The following ACTR5 variants were observed in gnomAD, a reference collection of about 807,000 sequenced individuals.
ACTR5 encodes actin-related protein 5.
In ACTR5, 43 loss-of-function variants were observed where a neutral mutation model predicts 61.2. The observed-to-expected ratio is 0.70, with a 90% CI of 0.55 to 0.91. The LOEUF (loss-of-function observed/expected upper bound fraction) is 0.91, where lower values mean the gene tolerates loss of function less well. Ranked by LOEUF, ACTR5 falls within the 40% of genes least tolerant of loss-of-function variation. The pLI, the probability that ACTR5 is intolerant of heterozygous loss-of-function variation, is 0.00. For missense variants in ACTR5, 798 were observed against 782.2 expected (o/e 1.02, Z -0.24); for synonymous variants, 333 against 310.5 (o/e 1.07, Z -0.76).
intron 7 of ACTR5, among the ~76,000 whole-genome samples, chr20:38,766,788 A>G (rs181962877): frequency 7.2e-5 from 11 of 152,320 alleles, no homozygotes; most frequent in South Asian, 4.1e-4. Flanking sequence ...TTCCATAAGA[A>G]TCCAGGTGTT....
intron 7 of ACTR5, among the ~76,000 whole-genome samples, chr20:38,767,193 A>G (rs770490729): frequency 4.7e-4 from 72 of 152,292 alleles, no homozygotes; most frequent in Non-Finnish European, 8.7e-4. Flanking sequence ...CCTCAAGTTT[A>G]TTTTTTAAAT....
intron 5 of ACTR5, among the ~76,000 whole-genome samples, chr20:38,762,327 C>T (rs149264253): frequency 6.6e-6 from 1 of 152,172 alleles, no homozygotes; most frequent in Non-Finnish European, 1.5e-5. Flanking sequence ...AAGAGAGCAG[C>T]TAGAGAGTGA....
At chr20:38,765,975 C>T (rs113730969) in intron 6 of ACTR5, among the ~76,000 whole-genome samples, 1 of 152,180 alleles carries the variant, frequency 6.6e-6, no homozygotes, top group East Asian at 1.9e-4. Flanking sequence ...CCTCTAGACT[C>T]GGCCTTTTAC....
At chr20:38,754,890 G>A in intron 3 of ACTR5, 67 bp from the exon 4 acceptor site, 1 of 1,541,202 alleles carries the variant, frequency 6.5e-7, no homozygotes, top group Non-Finnish European at 8.9e-7. Flanking sequence ...CGCCCAGCTG[G>A]TATTGACTTT....
At chr20:38,766,992 A>C (rs2084490652) in intron 7 of ACTR5, among the ~76,000 whole-genome samples, 1 of 152,180 alleles carries the variant, frequency 6.6e-6, no homozygotes. Flanking sequence ...CAGTGGTTGG[A>C]AAGTGATCAA....
At chr20:38,770,099 A>G (rs1268336028) in intron 8 of ACTR5, among the ~76,000 whole-genome samples, 1 of 152,082 alleles carries the variant, frequency 6.6e-6, no homozygotes, top group Non-Finnish European at 1.5e-5. Context: ...CACCTGGCCT[A>G]GCCTCAGCTC....
chr20:38,766,161 C>T (rs370954331), intron 6 of ACTR5, 77 bp from the exon 7 acceptor site: 88 of 1,508,490 alleles, frequency 5.8e-5, no homozygotes, highest in African/African-American at 8.4e-5. Flanking sequence ...GATTAAGAAA[C>T]GCAGTTTGAG....
In ACTR5 at chr20:38,752,180, G is replaced by C; in HGVS notation, c.655G>C (p.Ala219Pro). 1 of 1,614,038 alleles carries C rather than the reference G, an allele frequency of 6.2e-7. No individual in the cohort carries two copies. The highest frequency in any genetic ancestry group is 8.5e-7 in the Non-Finnish European group (1 of 1,179,918). ...CATCAATCTTGGAGGAAGCCAAGCA[G>C]CTGGTTACCTCCAGCGTCTCCTCCA... Reference protein sequence around the residue: ...KRINLGGSQAAGYLQRLLQLK... With the variant: ...KRINLGGSQAPGYLQRLLQLK... Residue 219 changes from alanine to proline, a missense_variant, in exon 3 of 9, where the codon GCT becomes CCT. Transcript: ENST00000243903.
chr20:38,770,023 G>A (rs201158687), intron 8 of ACTR5, among the ~76,000 whole-genome samples: 1 of 152,186 alleles, frequency 6.6e-6, no homozygotes, highest in East Asian at 1.9e-4. Flanking sequence ...TACTCTGTGA[G>A]CATTGGTTGT....
intron 2 of ACTR5, among the ~76,000 whole-genome samples, chr20:38,751,744 G>T (rs1483550552): frequency 6.6e-6 from 1 of 152,140 alleles, no homozygotes; most frequent in African/African-American, 2.4e-5. Flanking sequence ...AGTCACCTAG[G>T]GAGCTCATTA....
Position 38,765,538 on chromosome 20 carries a change from G to C in ACTR5, c.1293+20G>C, listed in dbSNP as rs2145675594. The C allele has an allele frequency of 6.3e-7, 1 of 1,589,110 alleles. No individual in the cohort carries two copies. The highest frequency in any genetic ancestry group is 1.7e-5 in the Admixed American group (1 of 59,968). On this transcript the variant is annotated intron_variant, in intron 6 of 8. Coordinates refer to ENST00000243903, the MANE Select transcript of ACTR5 (RefSeq NM_024855.4). ...GTTCAGGTTTGACTTCTACAGCCCA[G>C]AACATGCTTATTCTTTGAAGGTGTT...
At position 38,765,498 on chromosome 20, in the gene ACTR5, A is replaced by G; in HGVS notation, c.1273A>G (p.Lys425Glu). The G allele has an allele frequency of 6.2e-7, 1 of 1,614,156 alleles. No individual in the cohort carries two copies. The highest frequency in any genetic ancestry group is 8.5e-7 in the Non-Finnish European group (1 of 1,179,978). The change falls in exon 6 of 9, where the codon AAG (lysine) becomes GAG (glutamate). Residue 425 changes from lysine (K) to glutamate (E), a missense_variant. Physicochemically the swap from Lys to Glu is moderately conservative, Grantham distance 56 (BLOSUM62 1). Transcript: ENST00000243903. Reference sequence around the variant, plus strand: ...TTCAGAGGAAACACCTGGAGTGGAGAAGCCGGTCACCACTGTTCAGGTTTG... The same window carrying G: ...TTCAGAGGAAACACCTGGAGTGGAGGAGCCGGTCACCACTGTTCAGGTTTG... ...LFSEETPGVE[K>E]PVTTVQPVFN...
At chr20:38,760,651 T>G (rs1689456733) in intron 5 of ACTR5, among the ~76,000 whole-genome samples, 1 of 152,202 alleles carries the variant, frequency 6.6e-6, no homozygotes, top group Admixed American at 6.5e-5. Context: ...GTACTATCAT[T>G]ATCCCCCTTT....
chr20:38,764,981 T>C (rs2084477108), intron 5 of ACTR5, among the ~76,000 whole-genome samples: 1 of 152,240 alleles, frequency 6.6e-6, no homozygotes, highest in South Asian at 2.1e-4. Context: ...CCAGCAGATG[T>C]ATTTATTAAT....
Position 38,748,847 on chromosome 20 carries a change from C to T in ACTR5, c.369C>T (p.Ser123=), listed in dbSNP as rs1216628346. 1.9e-6 allele frequency: 3 copies of T among 1,606,548 alleles called. No homozygotes were observed. The highest frequency in any genetic ancestry group is 2.5e-6 in the Non-Finnish European group (3 of 1,177,798). Residue 123 remains serine, a synonymous_variant, in exon 1 of 9, where the codon TCC becomes TCT. Coordinates refer to ENST00000243903, the MANE Select transcript of ACTR5 (RefSeq NM_024855.4). ...LDYSFQHLGV[S]SQGCVDHPIV... Reference sequence around the variant, plus strand: ...ACAGCTTCCAGCACCTGGGTGTCTCCTCACAGGTGAAGGGCGGAGTAGGCT... The same window carrying T: ...ACAGCTTCCAGCACCTGGGTGTCTCTTCACAGGTGAAGGGCGGAGTAGGCT...
At chr20:38,766,851 G>T (rs548613182) in intron 7 of ACTR5, among the ~76,000 whole-genome samples, 1 of 152,238 alleles carries the variant, frequency 6.6e-6, no homozygotes, top group African/African-American at 2.4e-5. Context: ...AATTCAAGTT[G>T]GGCAAGTAGA....
At chr20:38,759,743 A>G (rs528414092) in intron 5 of ACTR5, among the ~76,000 whole-genome samples, 3 of 152,326 alleles carry the variant, frequency 2.0e-5, no homozygotes, top group East Asian at 3.9e-4. Context: ...GGGTACCTCA[A>G]AAACAAAAAA....
chr20:38,766,255 A>T lies in ACTR5; in HGVS notation c.1311A>T (p.Ala437=), dbSNP rs1457837780. 6.2e-7 allele frequency: 1 copy of T among 1,611,896 alleles called. No individual in the cohort carries two copies. The highest frequency in any genetic ancestry group is 1.3e-5 in the African/African-American group (1 of 74,858). The change falls in exon 7 of 9, where the codon GCA becomes GCT. Residue 437 remains alanine (A), a synonymous_variant. Coordinates refer to ENST00000243903, the MANE Select transcript of ACTR5 (RefSeq NM_024855.4). The part of the protein sequence containing the change: ...VTTVQPVFNL[A]AYHQLFVGTE... ...TTTTAAAGCCCGTGTTTAACTTGGC[A>T]GCATATCATCAGCTATTTGTTGGGA...
chr20:38,753,297 G>A (rs1370123464), intron 3 of ACTR5, among the ~76,000 whole-genome samples: 5 of 151,968 alleles, frequency 3.3e-5, no homozygotes, highest in Non-Finnish European at 7.4e-5. Flanking sequence ...GAACTCTTCC[G>A]TATCCTGATT....
Sources: allele counts gnomAD v4.1 joint callset (sites outside exome capture counted in the v4.1 genomes callset), GRCh38; gene constraint gnomAD v4.1.1; transcripts MANE v1.5; gene names NCBI Gene and HGNC (gene_info 2026-07-23, HGNC 2026-07-21).